ACSS1: variants seen among roughly 807,000 people sequenced by gnomAD.
ACSS1 encodes acyl-CoA synthetase short chain family member 1, also known as acetyl-coenzyme A synthetase 2-like, mitochondrial.
ACSS1 carries 42 observed loss-of-function variants against 75.3 expected under a neutral mutation model. That is an observed-to-expected ratio of 0.56 (90% CI 0.44 to 0.72). The LOEUF is 0.72. ACSS1 is among the 30% of genes least tolerant of loss of function. The probability of loss-of-function intolerance (pLI) is 0.00; values close to 1 mark genes in which losing one functional copy is unlikely to be tolerated. For synonymous variants in ACSS1, 380 were observed against 376.8 expected, an observed-to-expected ratio of 1.01 and a Z score of -0.10; for missense variants, 782 against 935.7, an observed-to-expected ratio of 0.84 and a Z score of 2.14.
intron 1 of ACSS1, among the ~76,000 whole-genome samples, chr20:25,050,181 C>A (rs1210921890): frequency 6.6e-6 from 1 of 152,108 alleles, no homozygotes. Flanking sequence ...GGTGTGCAGG[C>A]ATGCGTGTGT....
intron 7 of ACSS1, among the ~76,000 whole-genome samples, chr20:25,017,530 G>T (rs1284549029): frequency 6.6e-6 from 1 of 152,350 alleles, no homozygotes. Flanking sequence ...ACAGCGAGGT[G>T]TGTGATTAGC....
intron 3 of ACSS1, among the ~76,000 whole-genome samples, chr20:25,029,210 TG>T (rs2088780354): frequency 6.6e-6 from 1 of 152,202 alleles, no homozygotes; most frequent in Non-Finnish European, 1.5e-5. Context: ...AATTAAAATA[TG>T]GGCAAACAGC....
chr20:25,025,962 CT>C (rs1439712273), intron 3 of ACSS1, among the ~76,000 whole-genome samples: 3 of 152,166 alleles, frequency 2.0e-5, no homozygotes, highest in Non-Finnish European at 4.4e-5. Context: ...AGCACAGCTT[CT>C]GGGGGATTAC....
chr20:25,057,911 C>G lies in ACSS1; in HGVS notation c.192G>C (p.Gln64His). The G allele has an allele frequency of 1.2e-6, 2 of 1,611,678 alleles. No homozygotes were observed. The highest frequency in any genetic ancestry group is 1.7e-6 in the Non-Finnish European group (2 of 1,179,388). Residue 64 changes from glutamine (Q) to histidine (H), a missense_variant, in exon 1 of 14, where the codon CAG (glutamine) becomes CAC (histidine). This residue lies in a region of ACSS1 where 377 missense variants were observed against 383.1 expected (regional missense o/e 0.98). Coordinates refer to ENST00000323482, the MANE Select transcript of ACSS1 (RefSeq NM_032501.4). ...QPGSYPALSA[Q>H]AAREPAAFWG... is the part of the protein sequence containing the mutation. ...AGAAGGCGGCCGGCTCCCGGGCTGC[C>G]TGTGCACTCAGCGCGGGATACGAGC...
At chr20:25,049,126 A>G (rs941510817) in intron 1 of ACSS1, among the ~76,000 whole-genome samples, 2 of 152,230 alleles carry the variant, frequency 1.3e-5, no homozygotes, top group African/African-American at 4.8e-5. Flanking sequence ...GGAAAAAATT[A>G]CTAATACTAG....
At chr20:25,055,205 C>T (rs1332281809) in intron 1 of ACSS1, among the ~76,000 whole-genome samples, 4 of 152,236 alleles carry the variant, frequency 2.6e-5, no homozygotes, top group African/African-American at 9.6e-5. Context: ...AAAGTCCTGA[C>T]TCACAGACTC....
chr20:25,014,945 T>A (rs942135661), intron 8 of ACSS1, among the ~76,000 whole-genome samples, 193 bp downstream of exon 8: 1 of 152,038 alleles, frequency 6.6e-6, no homozygotes, highest in African/African-American at 2.4e-5. Context: ...TGACAAGAGG[T>A]CCCACAGGTG....
Position 25,013,052 on chromosome 20 carries a change from G to A in ACSS1, c.1580-113C>T, listed in dbSNP as rs142739437. The A allele has an allele frequency of 1.4e-3, 2,068 of 1,498,584 alleles. 22 individuals carry two copies. In the African/African-American group the frequency reaches 0.026, roughly 18 times the overall value. 92.8% of individuals were successfully genotyped at this position (1,498,584 alleles called of 1,614,324 possible). On this transcript the variant is annotated intron_variant, in intron 10 of 13. Coordinates refer to ENST00000323482, the MANE Select transcript of ACSS1 (RefSeq NM_032501.4). ...GCACGCGGCTGAAGTCTCGCCCATC[G>A]GCCCTCCTTGCAACTCCGATGCTTC...
At position 25,013,594 on chromosome 20, in the gene ACSS1, G is replaced by A; in HGVS notation, c.1521C>T (p.Ala507=). 6.2e-7 allele frequency: 1 copy of A among 1,610,458 alleles called. No individual in the cohort carries two copies. Among genetic ancestry groups the A allele is most frequent in the Non-Finnish European group, 8.5e-7 (1 of 1,177,874 alleles). The change falls in exon 10 of 14, where the codon GCC becomes GCT. Residue 507 remains alanine (A), a synonymous_variant. Transcript: ENST00000323482. The part of the protein sequence containing the change: ...LCISQAWPGM[A]RTIYGDHQRF... ...GCTGGTGGTCGCCATAGATGGTCCT[G>A]GCCATGCCCGGCCAGGCCTGGGAGA... is the stretch of plus-strand genomic sequence containing the variant.
intron 6 of ACSS1, 123 bp downstream of exon 6, chr20:25,021,266 G>C: frequency 7.6e-7 from 1 of 1,307,770 alleles, no homozygotes; most frequent in Non-Finnish European, 1.0e-6. Flanking sequence ...GCAGGACCTG[G>C]AGAGCCACAC....
chr20:25,046,811 C>A (rs541217699), intron 2 of ACSS1: 1 of 779,660 alleles, frequency 1.3e-6, no homozygotes, highest in South Asian at 1.3e-5. Context: ...CAGTGGGGCC[C>A]GAGGATCCAG....
At chr20:25,019,875 G>T in intron 7 of ACSS1, 135 bp downstream of exon 7, 1 of 1,318,300 alleles carries the variant, frequency 7.6e-7, no homozygotes, top group Non-Finnish European at 1.0e-6. Flanking sequence ...CTTTCTACCA[G>T]ATCCGGTCTG....
At chr20:25,025,336 C>G (rs2088696744) in intron 3 of ACSS1, among the ~76,000 whole-genome samples, 1 of 152,230 alleles carries the variant, frequency 6.6e-6, no homozygotes. Context: ...GCATGTCTGG[C>G]CCACTGGCGC....
rs747387961 is a variant in ACSS1, at chr20:25,043,482, G to T, written c.431+4603C>A. Among the ~76,000 whole-genome samples, 10 of 152,330 alleles carry T rather than the reference G, an allele frequency of 6.6e-5. No individual in the cohort carries two copies. In the East Asian group the frequency reaches 1.4e-3, roughly 21 times the overall value. On this transcript the variant is annotated intron_variant, in intron 2 of 13. Coordinates refer to ENST00000323482, the MANE Select transcript of ACSS1 (RefSeq NM_032501.4). ...TGCAGGCCTCCGCATCAGGTGCCAG[G>T]CCTCACAGATTCGCAGTAAAGCCCC...
rs187373718 is a variant in ACSS1, at chr20:25,030,409, C to A, written c.631+350G>T. ...GCCTTCCAGTTGTTGACCTGTGGAA[C>A]CTTCCCTGTGCATCTCCAGCCTTAT... is the stretch of plus-strand genomic sequence containing the variant. On this transcript the variant is annotated intron_variant, in intron 3 of 13. Transcript: ENST00000323482. Among the ~76,000 whole-genome samples the A allele has an allele frequency of 8.8e-3, 1,334 of 152,314 alleles. 14 individuals carry two copies. The highest frequency in any genetic ancestry group is 0.015 in the Non-Finnish European group (998 of 68,024).
chr20:25,052,242 A>T (rs1337737992), intron 1 of ACSS1, among the ~76,000 whole-genome samples: 1 of 152,208 alleles, frequency 6.6e-6, no homozygotes, highest in Non-Finnish European at 1.5e-5. Context: ...AAGTTTAAAA[A>T]AAAATCTGCC....
Position 25,012,834 on chromosome 20 carries a change from G to C in ACSS1, c.1685C>G (p.Thr562Ser), listed in dbSNP as rs748179924. The stretch of plus-strand genomic sequence containing the variant: ...CACGATGGCGTCCTCAATCTCTGCG[G>C]TCCCCAGCCGGTGGCCACTGATGTT... ...VINISGHRLGTAEIEDAIADH... is the reference protein window; with the variant it reads ...VINISGHRLGSAEIEDAIADH... Residue 562 changes from threonine to serine, a missense_variant, in exon 11 of 14, where the codon ACC becomes AGC. This residue lies in a region of ACSS1 where 405 missense variants were observed against 552.6 expected (regional missense o/e 0.73). Coordinates refer to ENST00000323482, the MANE Select transcript of ACSS1 (RefSeq NM_032501.4). 3.3e-5 allele frequency: 53 copies of C among 1,614,038 alleles called. 1 individual carries two copies. The South Asian group carries it at 5.7e-4, about 17-fold the overall frequency.
Position 25,007,882 on chromosome 20 carries a change from C to A in ACSS1, c.1950G>T (p.Lys650Asn). The A allele has an allele frequency of 6.2e-7, 1 of 1,614,198 alleles. No homozygotes were observed. The highest frequency in any genetic ancestry group is 8.5e-7 in the Non-Finnish European group (1 of 1,180,036). Residue 650 changes from lysine to asparagine, a missense_variant, in exon 14 of 14, where the codon AAG becomes AAT. Lys to Asn is a moderately conservative substitution (Grantham distance 94). Transcript: ENST00000323482. ...SGKVMRRLLR[K>N]IITSEAQELG... ...GCTCCTGGGCCTCACTAGTGATGAT[C>A]TTCCTCAGGAGCCGCCGCATGACCT... is the stretch of plus-strand genomic sequence containing the variant.
intron 9 of ACSS1, 27 bp from the exon 10 acceptor site, chr20:25,013,689 A>G: frequency 6.3e-7 from 1 of 1,580,314 alleles, no homozygotes; most frequent in Non-Finnish European, 8.6e-7. Context: ...TGCAAGTGAG[A>G]CAGGGCAGGC....
Sources: allele counts gnomAD v4.1 joint callset (sites outside exome capture counted in the v4.1 genomes callset), GRCh38; gene constraint gnomAD v4.1.1; regional missense constraint gnomAD v4.1.1; transcripts MANE v1.5; gene names NCBI Gene and HGNC (gene_info 2026-07-23, HGNC 2026-07-21).